WHRN: variants seen among roughly 807,000 people sequenced by gnomAD.
The protein encoded by WHRN is CASK-interacting protein CIP98.
Under a neutral mutation model 68.3 loss-of-function variants are expected in WHRN, and 41 were observed. That is an observed-to-expected ratio of 0.60 (90% CI 0.47 to 0.78). The LOEUF is 0.78. Ranked by LOEUF, WHRN falls within the 30% of genes least tolerant of loss-of-function variation. The pLI is 0.00. For synonymous variants in WHRN, 560 were observed against 561.3 expected (o/e 1.00, Z 0.03); for missense variants, 1,243 against 1,244.7 (o/e 1.00, Z 0.02).
intron 5 of WHRN, 85 bp downstream of exon 5, chr9:114,424,903 G>C: frequency 6.9e-7 from 1 of 1,446,532 alleles, no homozygotes; most frequent in Non-Finnish European, 9.7e-7. Context: ...GGTAGTGTAA[G>C]TCACTCGGCA....
chr9:114,410,734 C>T (rs1043921740), intron 7 of WHRN, among the ~76,000 whole-genome samples: 2 of 152,246 alleles, frequency 1.3e-5, no homozygotes, highest in African/African-American at 4.8e-5. Context: ...TTGAGGTTTA[C>T]ATGCAAACCT....
At chr9:114,425,845 C>T (rs942425651) in intron 4 of WHRN, 8 of 348,570 alleles carry the variant, frequency 2.3e-5, no homozygotes, top group Non-Finnish European at 4.4e-5. Context: ...TGGCCAAATA[C>T]ACCCCAAAGC....
intron 9 of WHRN, among the ~76,000 whole-genome samples, 180 bp downstream of exon 9, chr9:114,406,175 A>C (rs1374771879): frequency 6.6e-6 from 1 of 152,184 alleles, no homozygotes; most frequent in Non-Finnish European, 1.5e-5. Flanking sequence ...GTCCACAGTC[A>C]CACAGCCAGT....
chr9:114,430,235 C>T (rs74460517), intron 3 of WHRN, among the ~76,000 whole-genome samples: 7,147 of 152,200 alleles, frequency 0.047, 162 homozygotes, highest in African/African-American at 0.056. Flanking sequence ...TGAGCATCGA[C>T]GTGGCCTTCT....
In WHRN at chr9:114,440,473, AGG is replaced by A. The variant is rs1179032079; in HGVS notation, c.964-14062_964-14061del. ...AGGCTGGTCTCAAACTCCTGACCTC[AGG>A]TGATCCGCCCACTTCGGCCTCCCAA... On this transcript the variant is annotated intron_variant, in intron 3 of 11. Transcript: ENST00000362057. 2.0e-5 allele frequency among the ~76,000 whole-genome samples: 3 copies of A among 152,282 alleles called. No homozygotes were observed. The East Asian group carries it at 5.8e-4, about 29-fold the overall frequency.
At chr9:114,431,495 C>G (rs1334468735) in intron 3 of WHRN, among the ~76,000 whole-genome samples, 1 of 152,206 alleles carries the variant, frequency 6.6e-6, no homozygotes, top group African/African-American at 2.4e-5. Context: ...CCACCTTCAC[C>G]CCAGCACAGC....
Position 114,403,992 on chromosome 9 carries a change from G to A in WHRN, c.2322C>T (p.Ser774=), listed in dbSNP as rs55966714. 9.6e-4 allele frequency: 1,553 copies of A among 1,612,590 alleles called. 1 individual carries two copies. Among genetic ancestry groups the A allele is most frequent in the Non-Finnish European group, 1.2e-3 (1,439 of 1,180,028 alleles). Residue 774 remains serine, a synonymous_variant, in exon 10 of 12, where the codon AGC becomes AGT. Transcript: ENST00000362057. ...SGVDAGEAEA[S]APGRGRQSVS... is the part of the protein sequence containing the mutation. The stretch of plus-strand genomic sequence containing the variant: ...CCGACTGCCTTCCTCGGCCTGGGGC[G>A]CTGGCCTCTGCCTCGCCAGCATCCA...
intron 3 of WHRN, among the ~76,000 whole-genome samples, chr9:114,465,346 T>G (rs544749183): frequency 2.0e-5 from 3 of 152,308 alleles, no homozygotes; most frequent in Admixed American, 6.5e-5. Context: ...TTCCCCTGGC[T>G]TTGCACACAG....
chr9:114,425,087 G>A (rs747892499), intron 4 of WHRN, 63 bp from the exon 5 acceptor site: 2 of 1,545,942 alleles, frequency 1.3e-6, no homozygotes, highest in South Asian at 1.1e-5. Context: ...CGTGGGCAAG[G>A]GACAGGGTGA....
intron 3 of WHRN, among the ~76,000 whole-genome samples, chr9:114,430,785 C>A (rs1041331562): frequency 1.3e-5 from 2 of 152,214 alleles, no homozygotes; most frequent in Admixed American, 1.3e-4. Context: ...CCCTGACTTA[C>A]TGGGGACGTG....
At chr9:114,488,748 T>G (rs1220690129) in intron 1 of WHRN, among the ~76,000 whole-genome samples, 2 of 152,158 alleles carry the variant, frequency 1.3e-5, no homozygotes, top group Non-Finnish European at 2.9e-5. Flanking sequence ...CATGAGAAAG[T>G]AAAACCCTAA....
Position 114,420,627 on chromosome 9 carries a change from G to C in WHRN, c.1626+2687C>G, listed in dbSNP as rs542995862. ...TGTGCATGTGGAGGGTACCTGGGTGGGATGAAGGTCAGGGGGGCGGTGGCA... is the reference window on the plus strand; with the variant it reads ...TGTGCATGTGGAGGGTACCTGGGTGCGATGAAGGTCAGGGGGGCGGTGGCA... On this transcript the variant is annotated intron_variant, in intron 7 of 11. Transcript: ENST00000362057. 2.6e-5 allele frequency among the ~76,000 whole-genome samples: 4 copies of C among 152,208 alleles called. No individual in the cohort carries two copies. The East Asian group carries it at 7.7e-4, about 29-fold the overall frequency.
intron 3 of WHRN, among the ~76,000 whole-genome samples, chr9:114,447,838 T>C (rs552737787): frequency 6.6e-6 from 1 of 152,300 alleles, no homozygotes; most frequent in African/African-American, 2.4e-5. Flanking sequence ...ATATGCATTT[T>C]AAACTGCCCA....
At chr9:114,487,365 TATC>T (rs1156418831) in intron 1 of WHRN, among the ~76,000 whole-genome samples, 1 of 148,900 alleles carries the variant, frequency 6.7e-6, no homozygotes, top group East Asian at 2.2e-4. Context: ...TATACAAGCT[TATC>T]ATCTGATTAC....
intron 1 of WHRN, among the ~76,000 whole-genome samples, chr9:114,489,496 ACACACACG>A (rs1842798477): frequency 1.7e-5 from 2 of 117,976 alleles, no homozygotes; most frequent in African/African-American, 6.3e-5. Context: ...ACACGTACAC[ACACACACG>A]CACACACGCG....
chr9:114,476,983 T>C (rs1841701748), intron 2 of WHRN, among the ~76,000 whole-genome samples: 1 of 152,184 alleles, frequency 6.6e-6, no homozygotes, highest in Admixed American at 6.5e-5. Flanking sequence ...CCCTTGATCA[T>C]GACTCAATAA....
rs374941283 is a variant in WHRN, at chr9:114,422,521, G to T, written c.1626+793C>A. ...GAGATGGCCAGATGCTTTGCTGGGG[G>T]GCTGGTGAGTCTGCAAGAGAGTCAC... On this transcript the variant is annotated intron_variant, in intron 7 of 11. Transcript: ENST00000362057. Among the ~76,000 whole-genome samples the T allele has an allele frequency of 8.7e-4, 132 of 152,314 alleles. 1 individual carries two copies. In the South Asian group the frequency reaches 0.027, roughly 31 times the overall value.
At chr9:114,442,149 T>C (rs1838427154) in intron 3 of WHRN, among the ~76,000 whole-genome samples, 1 of 152,182 alleles carries the variant, frequency 6.6e-6, no homozygotes. Flanking sequence ...TGAGGAACTG[T>C]TCCAAATTAA....
chr9:114,501,897 G>C (rs948930152), intron 1 of WHRN, among the ~76,000 whole-genome samples: 4 of 152,200 alleles, frequency 2.6e-5, no homozygotes, highest in African/African-American at 9.7e-5. Context: ...AAAAGCTGGG[G>C]CCTCTTTCAG....
Sources: gnomAD v4.1 joint callset for allele counts (sites outside exome capture counted in the v4.1 genomes callset) on GRCh38, gnomAD v4.1.1 for gene constraint, MANE v1.5 for transcripts, NCBI Gene and HGNC (gene_info 2026-07-23, HGNC 2026-07-21) for gene names.